The following ALKBH3 variants were observed in gnomAD, a reference collection of about 807,000 sequenced individuals.
ALKBH3 encodes the protein alpha-ketoglutarate-dependent dioxygenase alkB homolog 3.
Under a neutral mutation model 43.9 loss-of-function variants are expected in ALKBH3, and 51 were observed. That is an observed-to-expected ratio of 1.16 (90% CI 0.93 to 1.47). ALKBH3 has a LOEUF of 1.47. Among genes scored for constraint, ALKBH3 ranks in the 40% most tolerant of loss-of-function variants. The pLI, the probability that ALKBH3 is intolerant of heterozygous loss-of-function variation, is 0.00. For missense variants in ALKBH3, 361 were observed against 351.9 expected, an observed-to-expected ratio of 1.03 and a Z score of -0.21; for synonymous variants, 102 against 115.2, an observed-to-expected ratio of 0.89 and a Z score of 0.73.
chr11:43,908,277 T>A (rs955128946), intron 8 of ALKBH3, among the ~76,000 whole-genome samples: 1 of 152,202 alleles, frequency 6.6e-6, no homozygotes, highest in Non-Finnish European at 1.5e-5. Context: ...TTTGCTCATC[T>A]TTGAATGGGA....
chr11:43,911,990 G>A (rs1016471179), intron 8 of ALKBH3, among the ~76,000 whole-genome samples: 1 of 152,094 alleles, frequency 6.6e-6, no homozygotes, highest in Non-Finnish European at 1.5e-5. Context: ...AGGCGTGGTG[G>A]TGCGCGCCTG....
At chr11:43,918,127 AGGTG>A (rs1951998321) in intron 8 of ALKBH3, among the ~76,000 whole-genome samples, 6 of 152,324 alleles carry the variant, frequency 3.9e-5, no homozygotes, top group African/African-American at 1.4e-4. Flanking sequence ...CCCAGAATGG[AGGTG>A]AAGAAATCAG....
chr11:43,887,867 C>G (rs1288650038), intron 5 of ALKBH3, among the ~76,000 whole-genome samples: 1 of 151,746 alleles, frequency 6.6e-6, no homozygotes, highest in Non-Finnish European at 1.5e-5. Flanking sequence ...CCACTCACTG[C>G]AAGCTCCGCC....
Position 43,882,701 on chromosome 11 carries a change from C to T in ALKBH3, c.49C>T (p.Pro17Ser). 6.2e-7 allele frequency: 1 copy of T among 1,613,148 alleles called. No homozygotes were observed. Among genetic ancestry groups the T allele is most frequent in the African/African-American group, 1.3e-5 (1 of 74,948 alleles). Reference protein sequence around the residue: ...RARVQGAWAAPVKSQAIAQPA... With the variant: ...RARVQGAWAASVKSQAIAQPA... ...CCGAGTTCAGGGAGCCTGGGCTGCC[C>T]CTGTTAAAAGCCAGGCCATTGCTCA... Residue 17 changes from proline (P) to serine (S), a missense_variant, in exon 2 of 10, where the codon CCT becomes TCT. Transcript: ENST00000302708.
In ALKBH3 at chr11:43,897,820, C is replaced by T. The variant is rs904166904; in HGVS notation, c.460-3696C>T. 4 of 828,684 alleles carry T rather than the reference C, an allele frequency of 4.8e-6. No homozygotes were observed. The African/African-American group carries it at 6.7e-5, about 14-fold the overall frequency. The allele number at this position is 828,684 out of a possible 1,614,324, so 51.3% of individuals were successfully genotyped here. Reference sequence around the variant, plus strand: ...GATTGGACCCGTTTTGAACAGTCTGCAAGTTTAGATATTAAATCTTTCTTT... The same window carrying T: ...GATTGGACCCGTTTTGAACAGTCTGTAAGTTTAGATATTAAATCTTTCTTT... On this transcript the variant is annotated intron_variant, in intron 7 of 9. Transcript: ENST00000302708.
intron 8 of ALKBH3, among the ~76,000 whole-genome samples, chr11:43,906,078 G>C (rs940981885): frequency 3.3e-5 from 5 of 152,166 alleles, no homozygotes; most frequent in African/African-American, 1.2e-4. Context: ...AATGTTAGGG[G>C]CTCCTATTCA....
At chr11:43,892,851 T>C (rs1951793562) in intron 7 of ALKBH3, among the ~76,000 whole-genome samples, 1 of 146,156 alleles carries the variant, frequency 6.8e-6, no homozygotes, top group African/African-American at 2.4e-5. Context: ...TTCTAGAAAT[T>C]TGTAATTGCA....
intron 8 of ALKBH3, among the ~76,000 whole-genome samples, chr11:43,906,603 C>T (rs1029633340): frequency 7.2e-5 from 11 of 152,136 alleles, no homozygotes; most frequent in African/African-American, 2.7e-4. Flanking sequence ...AACCCCAGCA[C>T]TTTGGGAGGC....
At chr11:43,902,063 G>A (rs888524008) in intron 8 of ALKBH3, among the ~76,000 whole-genome samples, 2 of 152,184 alleles carry the variant, frequency 1.3e-5, no homozygotes, top group East Asian at 1.9e-4. Flanking sequence ...ATGCTGTGAA[G>A]GAAAGCCTTA....
At chr11:43,902,381 A>G (rs780992565) in intron 8 of ALKBH3, among the ~76,000 whole-genome samples, 2 of 152,204 alleles carry the variant, frequency 1.3e-5, no homozygotes, top group Admixed American at 6.5e-5. Flanking sequence ...GCTTACCTCA[A>G]TTATGTGACA....
At chr11:43,886,089 G>A (rs1590365938) in intron 4 of ALKBH3, among the ~76,000 whole-genome samples, 1 of 152,302 alleles carries the variant, frequency 6.6e-6, no homozygotes, top group African/African-American at 2.4e-5. Flanking sequence ...AGGATGATGA[G>A]TTTATGGGAG....
rs1009018710 is a variant in ALKBH3, at chr11:43,910,186, C to T, written c.669+8461C>T. On this transcript the variant is annotated intron_variant, in intron 8 of 9. Transcript: ENST00000302708. ...TTACATTCAACCCCTTAAATATAGA[C>T]GTTCAAGATTTCTTTGATTCTGTTA... The T allele has an allele frequency of 9.9e-5, 15 of 152,274 alleles. No individual in the cohort carries two copies. In the Middle Eastern group the frequency reaches 0.017, roughly 173 times the overall value. 9.4% of individuals were successfully genotyped at this position (152,274 alleles called of 1,614,324 possible). A position where few individuals can be genotyped will look rare whatever the true frequency, so the allele number is the denominator to read the frequency against.
intron 8 of ALKBH3, chr11:43,917,046 T>A (rs1951989058): frequency 6.6e-6 from 1 of 152,240 alleles, no homozygotes; most frequent in African/African-American, 2.4e-5. Flanking sequence ...GTGGACTGAT[T>A]CGAGTGGCTC....
rs1383822756 is a variant in ALKBH3 at position 43,898,055 on chromosome 11, C to T, written c.460-3461C>T. ...GCAGCGTCCATGGCTGTTGTCATCC[C>T]AGATGCTGTCCTCAAGGAGGGGCTG... On this transcript the variant is annotated intron_variant, in intron 7 of 9. Coordinates refer to ENST00000302708, the MANE Select transcript of ALKBH3 (RefSeq NM_139178.4). 17 of 965,484 alleles carry T rather than the reference C, an allele frequency of 1.8e-5. No individual in the cohort carries two copies. The South Asian group carries it at 2.1e-4, about 12-fold the overall frequency. The allele number at this position is 965,484 out of a possible 1,614,324, so 59.8% of individuals were successfully genotyped here. A position where few individuals can be genotyped will look rare whatever the true frequency, so the allele number is the denominator to read the frequency against.
At chr11:43,897,723 G>T in intron 7 of ALKBH3, 1 of 805,098 alleles carries the variant, frequency 1.2e-6, no homozygotes, top group South Asian at 1.3e-5. Flanking sequence ...GAATTCTCGG[G>T]AACGTACTTT....
At chr11:43,896,586 C>G (rs1301130887) in intron 7 of ALKBH3, among the ~76,000 whole-genome samples, 2 of 152,194 alleles carry the variant, frequency 1.3e-5, no homozygotes, top group Non-Finnish European at 2.9e-5. Context: ...CCCTAGCCCA[C>G]TGACTCAAAT....
At chr11:43,911,477 T>C (rs1033595338) in intron 8 of ALKBH3, among the ~76,000 whole-genome samples, 1 of 152,180 alleles carries the variant, frequency 6.6e-6, no homozygotes, top group Non-Finnish European at 1.5e-5. Flanking sequence ...AAATGTTAAG[T>C]AGGCAGTCGA....
chr11:43,882,750 T>A lies in ALKBH3; in HGVS notation c.79+19T>A. The A allele has an allele frequency of 6.2e-7, 1 of 1,605,830 alleles. No homozygotes were observed. The highest frequency in any genetic ancestry group is 8.5e-7 in the Non-Finnish European group (1 of 1,176,954). ...CAGCCAGGCAAGAATCTGTAGGGATTTTGTGTGTGTGTGGATATGGACAAC... is the reference window on the plus strand; with the variant it reads ...CAGCCAGGCAAGAATCTGTAGGGATATTGTGTGTGTGTGGATATGGACAAC... On this transcript the variant is annotated intron_variant, in intron 2 of 9. Coordinates refer to ENST00000302708, the MANE Select transcript of ALKBH3 (RefSeq NM_139178.4).
chr11:43,882,531 A>G (rs1399234733), intron 1 of ALKBH3, 52 bp from the exon 2 acceptor site: 8 of 796,006 alleles, frequency 1.0e-5, no homozygotes, highest in Middle Eastern at 2.4e-4. Flanking sequence ...CTTAGGAGTA[A>G]TTGTTCACAA....
Sources: gnomAD v4.1 joint callset for allele counts (sites outside exome capture counted in the v4.1 genomes callset) on GRCh38, gnomAD v4.1.1 for gene constraint, MANE v1.5 for transcripts, NCBI Gene and HGNC (gene_info 2026-07-23, HGNC 2026-07-21) for gene names.